FBXL14: variants seen among roughly 807,000 people sequenced by gnomAD.
FBXL14 encodes the protein F-box and leucine rich repeat protein 14.
A neutral mutation model predicts 24.5 loss-of-function variants in FBXL14; 11 were observed. The observed-to-expected ratio is 0.45, with a 90% CI of 0.28 to 0.74. The LOEUF (loss-of-function observed/expected upper bound fraction) is 0.74, where lower values mean the gene tolerates loss of function less well. Among genes scored for constraint, FBXL14 ranks in the 30% least tolerant of loss-of-function variants. The pLI is 0.12. For missense variants in FBXL14, 384 were observed against 545.6 expected (o/e 0.70, Z 2.95); for synonymous variants, 294 against 240.4 (o/e 1.22, Z -2.06).
chr12:1,577,215 T>C (rs2094457634), intron 1 of FBXL14, among the ~76,000 whole-genome samples: 1 of 152,186 alleles, frequency 6.6e-6, no homozygotes, highest in Non-Finnish European at 1.5e-5. Context: ...AGATGCTTCA[T>C]TTCATGATCG....
rs544992054 is a variant in FBXL14, at chr12:1,594,156, AGCC to A, written c.-93_-91del. The A allele has an allele frequency of 0.062, 34,632 of 554,798 alleles. 1,801 individuals carry two copies. Among genetic ancestry groups the A allele is most frequent in the African/African-American group, 0.23 (11,469 of 49,862 alleles). The allele number at this position is 554,798 out of a possible 1,614,324, so 34.4% of individuals were successfully genotyped here. ...GCAGGCGACGAGAGCGCTTCTCCCC[AGCC>A]GCCGCCGCCGCCGCCGCCGCCGCCT... is the stretch of plus-strand genomic sequence containing the variant. On this transcript the variant is annotated 5_prime_UTR_variant, in exon 1 of 2. Transcript: ENST00000339235.
At position 1,567,902 on chromosome 12, in the gene FBXL14, C is replaced by T. The variant is rs948139974; in HGVS notation, c.1195-1092G>A. Reference sequence around the variant, plus strand: ...ACACGCACACGCGCGCACACACGTGCGCACACACACAGAACAGAATATCCA... The same window carrying T: ...ACACGCACACGCGCGCACACACGTGTGCACACACACAGAACAGAATATCCA... On this transcript the variant is annotated intron_variant, in intron 1 of 1. Coordinates refer to ENST00000339235, the MANE Select transcript of FBXL14 (RefSeq NM_152441.3). The surrounding 1 kb of genome is among the most constrained non-coding windows in gnomAD (Gnocchi z 4.8). 2.6e-5 allele frequency among the ~76,000 whole-genome samples: 4 copies of T among 152,206 alleles called. No homozygotes were observed. The highest frequency in any genetic ancestry group is 1.9e-4 in the East Asian group (1 of 5,196).
chr12:1,574,372 G>T, intron 1 of FBXL14, among the ~76,000 whole-genome samples: 1 of 151,768 alleles, frequency 6.6e-6, no homozygotes, highest in African/African-American at 2.4e-5. Context: ...GAGGCTGGTG[G>T]CAGCGGTGTG....
intron 1 of FBXL14, among the ~76,000 whole-genome samples, chr12:1,574,437 T>G (rs1592460900): frequency 6.5e-5 from 1 of 15,424 alleles, no homozygotes; most frequent in African/African-American, 2.2e-4. Flanking sequence ...GAGCCTGGGG[T>G]GAGGGGAGGC....
chr12:1,585,897 A>C (rs2094475575), intron 1 of FBXL14, among the ~76,000 whole-genome samples: 1 of 152,208 alleles, frequency 6.6e-6, no homozygotes. Context: ...ATAGCATGTG[A>C]AATATGTGTG....
chr12:1,573,855 A>G (rs1253083945), intron 1 of FBXL14, among the ~76,000 whole-genome samples: 3 of 152,138 alleles, frequency 2.0e-5, no homozygotes, highest in Non-Finnish European at 2.9e-5. Context: ...AAATAACACA[A>G]TTAGCTGGGC....
chr12:1,583,569 G>A (rs71454830), intron 1 of FBXL14, among the ~76,000 whole-genome samples: 2,689 of 152,274 alleles, frequency 0.018, 40 homozygotes, highest in Middle Eastern at 0.082. Context: ...TTGCGGGTGC[G>A]GGTGAAAGAG....
chr12:1,580,847 T>C (rs1202927671), intron 1 of FBXL14, among the ~76,000 whole-genome samples: 1 of 152,180 alleles, frequency 6.6e-6, no homozygotes, highest in Non-Finnish European at 1.5e-5. Context: ...GGAAGGTGTT[T>C]GCAGCCACTT....
At chr12:1,586,100 T>C (rs971265967) in intron 1 of FBXL14, among the ~76,000 whole-genome samples, 2 of 152,138 alleles carry the variant, frequency 1.3e-5, no homozygotes, top group South Asian at 2.1e-4. Context: ...GTTTCCTGAA[T>C]AACCCTATAT....
rs1284310322 is a variant in FBXL14, at chr12:1,579,141, A to G, written c.1195-12331T>C. 6.6e-6 allele frequency among the ~76,000 whole-genome samples: 1 copy of G among 152,124 alleles called. No homozygotes were observed. The highest frequency in any genetic ancestry group is 1.5e-5 in the Non-Finnish European group (1 of 68,014). Reference sequence around the variant, plus strand: ...CCAAAAGAAGTATGAAAGCCGACATAAAATACGAATATGATCTTTGCATTA... The same window carrying G: ...CCAAAAGAAGTATGAAAGCCGACATGAAATACGAATATGATCTTTGCATTA... On this transcript the variant is annotated intron_variant, in intron 1 of 1. Coordinates refer to ENST00000339235, the MANE Select transcript of FBXL14 (RefSeq NM_152441.3). This position sits in a 1 kb window ranked among gnomAD's most constrained non-coding sequence, Gnocchi z 4.3.
rs1237032013 is a variant in FBXL14, at chr12:1,593,206, C to T, written c.861G>A (p.Ser287=). The T allele has an allele frequency of 2.9e-5, 47 of 1,613,038 alleles. No homozygotes were observed. The highest frequency in any genetic ancestry group is 4.0e-5 in the Non-Finnish European group (47 of 1,180,038). The change falls in exon 1 of 2, where the codon TCG becomes TCA. Residue 287 remains serine (S), a synonymous_variant. Transcript: ENST00000339235. The surrounding 1 kb of genome is among the most constrained non-coding windows in gnomAD (Gnocchi z 7.4). ...GSLRLSGLDV[S]FCDKVGDQSL... is the part of the protein sequence containing the mutation. ...TCTGGTCTCCCACCTTGTCACAGAA[C>T]GAAACATCCAGCCCCGAGAGGCGCA...
At chr12:1,571,160 C>CA (rs2094444810) in intron 1 of FBXL14, among the ~76,000 whole-genome samples, 2 of 151,974 alleles carry the variant, frequency 1.3e-5, no homozygotes, top group Admixed American at 1.3e-4. Flanking sequence ...TATTGCATGG[C>CA]AGTAGGTGTA....
intron 1 of FBXL14, among the ~76,000 whole-genome samples, chr12:1,576,605 A>G (rs540470090): frequency 2.0e-5 from 3 of 152,254 alleles, no homozygotes; most frequent in African/African-American, 7.2e-5. Flanking sequence ...TTTTCCCCCT[A>G]AAATACACGA....
At chr12:1,571,901 G>A (rs2094446120) in intron 1 of FBXL14, among the ~76,000 whole-genome samples, 2 of 152,196 alleles carry the variant, frequency 1.3e-5, no homozygotes, top group East Asian at 1.9e-4. Flanking sequence ...GCACTTTCCT[G>A]GGTGCAGGGA....
rs567118043 is a variant in FBXL14, at chr12:1,582,451, C to G, written c.1194+10422G>C. Among the ~76,000 whole-genome samples the G allele has an allele frequency of 1.8e-3, 271 of 152,188 alleles. 2 individuals are homozygous for G. The highest frequency in any genetic ancestry group is 6.4e-3 in the African/African-American group (266 of 41,544). On this transcript the variant is annotated intron_variant, in intron 1 of 1. Coordinates refer to ENST00000339235, the MANE Select transcript of FBXL14 (RefSeq NM_152441.3). ...CTTCTTGGCTTTGTGCAGGGTGATA[C>G]GTGTTTGCTTTTCTTTCCTTTACAA... is the stretch of plus-strand genomic sequence containing the variant.
At chr12:1,589,091 T>C (rs1367645480) in intron 1 of FBXL14, among the ~76,000 whole-genome samples, 2 of 151,164 alleles carry the variant, frequency 1.3e-5, no homozygotes, top group African/African-American at 2.4e-5. Context: ...AGCTGGACTT[T>C]AGAAATGGAG....
At chr12:1,577,052 A>T (rs2094457321) in intron 1 of FBXL14, among the ~76,000 whole-genome samples, 1 of 152,200 alleles carries the variant, frequency 6.6e-6, no homozygotes, top group Non-Finnish European at 1.5e-5. Context: ...AGGCTTTATC[A>T]GTCCTGCCGT....
chr12:1,573,480 A>G (rs1323124246), intron 1 of FBXL14, among the ~76,000 whole-genome samples: 1 of 152,182 alleles, frequency 6.6e-6, no homozygotes, highest in Non-Finnish European at 1.5e-5. Flanking sequence ...CCAGCCACGC[A>G]CGACTAGGGG....
In FBXL14 at chr12:1,569,056, G is replaced by A. The variant is rs973716030; in HGVS notation, c.1195-2246C>T. Among the ~76,000 whole-genome samples the A allele has an allele frequency of 7.2e-5, 11 of 152,098 alleles. No individual in the cohort carries two copies. Among genetic ancestry groups the A allele is most frequent in the African/African-American group, 2.4e-4 (10 of 41,408 alleles). On this transcript the variant is annotated intron_variant, in intron 1 of 1. Coordinates refer to ENST00000339235, the MANE Select transcript of FBXL14 (RefSeq NM_152441.3). This position sits in a 1 kb window ranked among gnomAD's most constrained non-coding sequence, Gnocchi z 4.2. ...TATAAGCATAATTATAATCTCACAA[G>A]TATTTTCATAGGATTGAGATATAAA...
Sources: allele counts gnomAD v4.1 joint callset (sites outside exome capture counted in the v4.1 genomes callset), GRCh38; gene constraint gnomAD v4.1.1; non-coding constraint Gnocchi (gnomAD v3.1); transcripts MANE v1.5; gene names NCBI Gene and HGNC (gene_info 2026-07-23, HGNC 2026-07-21).